Variants in STIM2 observed in about 807,000 individuals in gnomAD.
STIM2 encodes stromal interaction molecule 2.
Under a neutral mutation model 85.8 loss-of-function variants are expected in STIM2, and 31 were observed. That is an observed-to-expected ratio of 0.36 (90% CI 0.27 to 0.49). STIM2 has a LOEUF of 0.49. Ranked by LOEUF, STIM2 falls within the 20% of genes least tolerant of loss-of-function variation. STIM2 has a pLI of 0.98. For synonymous variants in STIM2, 356 were observed against 331.1 expected, an observed-to-expected ratio of 1.08 and a Z score of -0.82; for missense variants, 841 against 927.6, an observed-to-expected ratio of 0.91 and a Z score of 1.21.
At chr4:26,932,265 A>G (rs1725231500) in intron 2 of STIM2, among the ~76,000 whole-genome samples, 1 of 152,236 alleles carries the variant, frequency 6.6e-6, no homozygotes, top group Non-Finnish European at 1.5e-5. Flanking sequence ...TAGATTATTA[A>G]TCTTCAAAGG....
intron 1 of STIM2, among the ~76,000 whole-genome samples, chr4:26,893,492 GCATT>G (rs1723574167): frequency 6.6e-6 from 1 of 152,144 alleles, no homozygotes; most frequent in African/African-American, 2.4e-5. Context: ...CTGTGTAGCT[GCATT>G]CATTCATTTT....
At chr4:27,005,978 C>T (rs1201227291) in intron 7 of STIM2, among the ~76,000 whole-genome samples, 2 of 152,116 alleles carry the variant, frequency 1.3e-5, no homozygotes, top group Admixed American at 6.5e-5. Flanking sequence ...GAAGGGCTTG[C>T]GGACTTACAT....
At chr4:26,934,120 G>A (rs1725310398) in intron 2 of STIM2, among the ~76,000 whole-genome samples, 1 of 152,160 alleles carries the variant, frequency 6.6e-6, no homozygotes, top group South Asian at 2.1e-4. Context: ...CTTGAACCCA[G>A]GAGGCGGAGT....
intron 3 of STIM2, among the ~76,000 whole-genome samples, chr4:26,965,292 A>G (rs1430791031): frequency 6.6e-6 from 1 of 152,174 alleles, no homozygotes; most frequent in Non-Finnish European, 1.5e-5. Flanking sequence ...TGACACCAGT[A>G]TGTTGCTCAT....
At chr4:26,881,390 C>T (rs1017206377) in intron 1 of STIM2, 9 of 150,116 alleles carry the variant, frequency 6.0e-5, no homozygotes, top group African/African-American at 2.2e-4. Context: ...GGCTTGAACT[C>T]TGGAGGCAGA....
chr4:26,904,262 A>AT (rs1025529797), intron 1 of STIM2, among the ~76,000 whole-genome samples: 8 of 152,040 alleles, frequency 5.3e-5, no homozygotes, highest in African/African-American at 1.9e-4. Flanking sequence ...TTTTTTAAAC[A>AT]TTTTTTCAGG....
chr4:26,866,431 G>C (rs1722411777), intron 1 of STIM2, among the ~76,000 whole-genome samples: 1 of 152,188 alleles, frequency 6.6e-6, no homozygotes, highest in Admixed American at 6.5e-5. Context: ...CAAAGTGTAG[G>C]AGAAAGGAAG....
chr4:27,017,609 T>G, intron 10 of STIM2, 102 bp from the exon 11 acceptor site: 4 of 1,393,452 alleles, frequency 2.9e-6, no homozygotes, highest in Non-Finnish European at 4.0e-6. Flanking sequence ...GATGAAACAG[T>G]GACATATTAG....
intron 1 of STIM2, among the ~76,000 whole-genome samples, chr4:26,914,522 A>G (rs1344172167): frequency 6.6e-6 from 1 of 152,178 alleles, no homozygotes; most frequent in Non-Finnish European, 1.5e-5. Context: ...TGTATCTGCC[A>G]TCTTTATTTA....
At position 27,024,914 on chromosome 4, in the gene STIM2, A is replaced by G. The variant is rs1435736309; in HGVS notation, c.*1918A>G. On this transcript the variant is annotated 3_prime_UTR_variant, in exon 12 of 12. Transcript: ENST00000467087. Reference sequence around the variant, plus strand: ...GAGAACTTTGCAGTTGGATGAATAGAGAAGGGAAAAGTTGCTGGAGCACGG... The same window carrying G: ...GAGAACTTTGCAGTTGGATGAATAGGGAAGGGAAAAGTTGCTGGAGCACGG... The G allele has an allele frequency of 6.6e-6, 1 of 152,214 alleles. No homozygotes were observed. Among genetic ancestry groups the G allele is most frequent in the Non-Finnish European group, 1.5e-5 (1 of 68,048 alleles). 9.4% of individuals were successfully genotyped at this position (152,214 alleles called of 1,614,324 possible).
chr4:26,902,623 T>C (rs1270943292), intron 1 of STIM2, among the ~76,000 whole-genome samples: 1 of 152,218 alleles, frequency 6.6e-6, no homozygotes, highest in Non-Finnish European at 1.5e-5. Flanking sequence ...GAATGACTTC[T>C]TTCATTTTAG....
At chr4:26,932,700 CCATGGTGAT>C (rs2109075521) in intron 2 of STIM2, among the ~76,000 whole-genome samples, 1 of 152,128 alleles carries the variant, frequency 6.6e-6, no homozygotes, top group South Asian at 2.1e-4. Context: ...CATGGAGAGC[CCATGGTGAT>C]CATGGGTTAG....
intron 2 of STIM2, among the ~76,000 whole-genome samples, chr4:26,954,372 T>C (rs1726169247): frequency 6.7e-6 from 1 of 149,626 alleles, no homozygotes; most frequent in South Asian, 2.1e-4. Context: ...TAGGATTCCC[T>C]ATAGTAGGTT....
chr4:26,917,961 A>G (rs1044201722), intron 1 of STIM2, among the ~76,000 whole-genome samples: 12 of 152,136 alleles, frequency 7.9e-5, no homozygotes, highest in Non-Finnish European at 1.0e-4. Context: ...TGAATTAGGG[A>G]TCATGATTGA....
intron 1 of STIM2, among the ~76,000 whole-genome samples, chr4:26,914,966 G>T (rs2109062158): frequency 6.6e-6 from 1 of 152,290 alleles, no homozygotes; most frequent in East Asian, 1.9e-4. Context: ...TGTGATAGCG[G>T]TACTTAATTC....
chr4:26,959,569 T>A (rs1726373981), intron 3 of STIM2, among the ~76,000 whole-genome samples: 1 of 152,164 alleles, frequency 6.6e-6, no homozygotes, highest in South Asian at 2.1e-4. Flanking sequence ...AATGTAAGTG[T>A]TATAGAGCAG....
intron 3 of STIM2, 24 bp downstream of exon 3, chr4:26,957,750 C>T (rs1170345525): frequency 4.8e-6 from 7 of 1,456,424 alleles, no homozygotes; most frequent in Admixed American, 1.9e-5. Context: ...TGTGATCTGG[C>T]CCCCTCCCCT....
At chr4:26,931,257 C>G (rs1159917612) in intron 2 of STIM2, among the ~76,000 whole-genome samples, 1 of 152,056 alleles carries the variant, frequency 6.6e-6, no homozygotes, top group East Asian at 1.9e-4. Context: ...GAAGTGACGT[C>G]CCATCACTTT....
At chr4:26,991,912 A>G (rs1198429618) in intron 3 of STIM2, among the ~76,000 whole-genome samples, 1 of 152,114 alleles carries the variant, frequency 6.6e-6, no homozygotes, top group African/African-American at 2.4e-5. Context: ...TTAACATTTT[A>G]GAAGCTGGCA....
Sources: allele counts gnomAD v4.1 joint callset (sites outside exome capture counted in the v4.1 genomes callset), GRCh38; gene constraint gnomAD v4.1.1; transcripts MANE v1.5; gene names NCBI Gene and HGNC (gene_info 2026-07-23, HGNC 2026-07-21).